MED12L: variants seen among roughly 807,000 people sequenced by gnomAD.
MED12L encodes mediator complex subunit 12L, also known as mediator of RNA polymerase II transcription subunit 12-like protein.
In MED12L, 60 loss-of-function variants were observed where a neutral mutation model predicts 281.3. The observed-to-expected ratio is 0.21, with a 90% confidence interval of 0.17 to 0.26. The LOEUF (loss-of-function observed/expected upper bound fraction) is 0.26. MED12L is among the 10% of genes least tolerant of loss of function. MED12L has a pLI of 1.00. For synonymous variants in MED12L, 974 were observed against 987.2 expected, an observed-to-expected ratio of 0.99 and a Z score of 0.25; for missense variants, 2,146 against 2,680.9, an observed-to-expected ratio of 0.80 and a Z score of 4.41.
At chr3:151,151,356 T>A (rs969657895) in intron 5 of MED12L, among the ~76,000 whole-genome samples, 1 of 151,920 alleles carries the variant, frequency 6.6e-6, no homozygotes, top group Non-Finnish European at 1.5e-5. Context: ...ATTTTTAATT[T>A]CCTTTGAGAT....
intron 4 of MED12L, among the ~76,000 whole-genome samples, chr3:151,123,181 C>CA (rs1177918318): frequency 6.6e-6 from 1 of 152,100 alleles, no homozygotes; most frequent in Non-Finnish European, 1.5e-5. Flanking sequence ...AATCCCTAAA[C>CA]ATTCTGCATA....
At chr3:151,151,529 G>T (rs1038226600) in intron 5 of MED12L, among the ~76,000 whole-genome samples, 1 of 143,378 alleles carries the variant, frequency 7.0e-6, no homozygotes, top group Non-Finnish European at 1.5e-5. Flanking sequence ...GTTATTGTAG[G>T]TTCATTCATT....
At chr3:151,432,618 C>A in intron 44 of MED12L, 134 bp from the exon 45 acceptor site, 1 of 630,044 alleles carries the variant, frequency 1.6e-6, no homozygotes, top group Non-Finnish European at 2.8e-6. Flanking sequence ...TTTTTCAGGG[C>A]AAGGATAGTA....
chr3:151,154,026 G>A (rs1050479503), intron 5 of MED12L, among the ~76,000 whole-genome samples: 62 of 152,086 alleles, frequency 4.1e-4, no homozygotes, highest in African/African-American at 1.4e-3. Context: ...AAATAGGCCC[G>A]TCTGGCCACT....
At chr3:151,169,910 G>A (rs956095480) in intron 11 of MED12L, among the ~76,000 whole-genome samples, 20 of 152,358 alleles carry the variant, frequency 1.3e-4, no homozygotes, top group Admixed American at 9.8e-4. Flanking sequence ...GCCCCAGGTT[G>A]CATAGCCTGC....
chr3:151,435,233 A>G lies in MED12L; in HGVS notation c.*2429A>G, dbSNP rs1010723406. 1 of 99,942 alleles carries G rather than the reference A, an allele frequency of 1.0e-5. No individual in the cohort carries two copies. The highest frequency in any genetic ancestry group is 2.0e-5 in the Non-Finnish European group (1 of 49,328). 6.2% of individuals were successfully genotyped at this position (99,942 alleles called of 1,614,324 possible). On this transcript the variant is annotated 3_prime_UTR_variant, in exon 45 of 45. Transcript: ENST00000687756. Reference sequence around the variant, plus strand: ...CCTTAAAGACAAGACCTTGAAATCAAATGGAGTCAGCTATACCTATCAATC... The same window carrying G: ...CCTTAAAGACAAGACCTTGAAATCAGATGGAGTCAGCTATACCTATCAATC...
At chr3:151,338,275 T>G (rs976052391) in intron 16 of MED12L, 3 of 1,613,956 alleles carry the variant, frequency 1.9e-6, no homozygotes, top group African/African-American at 2.7e-5. Context: ...CAGATGTAAT[T>G]TACTATTTCA....
At chr3:151,163,833 A>G in intron 8 of MED12L, 60 bp from the exon 9 acceptor site, 2 of 1,514,838 alleles carry the variant, frequency 1.3e-6, no homozygotes, top group Admixed American at 3.6e-5. Context: ...TTTACTGTTT[A>G]GCTATTGTTA....
intron 16 of MED12L, among the ~76,000 whole-genome samples, chr3:151,280,004 G>A (rs1017628332): frequency 6.6e-6 from 1 of 152,014 alleles, no homozygotes; most frequent in Non-Finnish European, 1.5e-5. Flanking sequence ...TGACTTCCCC[G>A]TGGGGTGTTT....
chr3:151,391,664 C>A (rs549542465), intron 38 of MED12L, among the ~76,000 whole-genome samples: 1 of 152,194 alleles, frequency 6.6e-6, no homozygotes, highest in Non-Finnish European at 1.5e-5. Context: ...ACAAAGCCAT[C>A]TTGGGCCGCA....
chr3:151,201,817 T>G (rs886513483), intron 16 of MED12L, among the ~76,000 whole-genome samples: 9 of 152,266 alleles, frequency 5.9e-5, no homozygotes, highest in African/African-American at 2.2e-4. Context: ...ACATCTTTGC[T>G]TATTGTTACT....
intron 3 of MED12L, among the ~76,000 whole-genome samples, chr3:151,118,792 C>T (rs1036098971): frequency 2.0e-5 from 3 of 152,084 alleles, no homozygotes; most frequent in Non-Finnish European, 2.9e-5. Context: ...CTTTCAGGTT[C>T]AAGCCATTCT....
intron 16 of MED12L, among the ~76,000 whole-genome samples, chr3:151,317,436 C>CTTTTTTTATTTT (rs1748414720): frequency 1.7e-5 from 1 of 58,744 alleles, no homozygotes. Context: ...AATCATATCA[C>CTTTTTTTATTTT]TTTTTTTTTT....
chr3:151,375,867 G>T (rs1408337955), intron 27 of MED12L, among the ~76,000 whole-genome samples, 159 bp from the exon 28 acceptor site: 1 of 151,488 alleles, frequency 6.6e-6, no homozygotes, highest in Non-Finnish European at 1.5e-5. Flanking sequence ...TAAAAATTTT[G>T]TTTTTTAAAA....
intron 16 of MED12L, among the ~76,000 whole-genome samples, chr3:151,225,000 A>T (rs1269494220): frequency 6.6e-6 from 1 of 152,220 alleles, no homozygotes. Context: ...AAAATATTTT[A>T]TATTATTTAC....
chr3:151,413,426 G>A, intron 42 of MED12L, 131 bp downstream of exon 42: 3 of 1,108,632 alleles, frequency 2.7e-6, no homozygotes, highest in Admixed American at 5.3e-5. Context: ...TTTGATGCTA[G>A]GAGCTACATT....
intron 39 of MED12L, among the ~76,000 whole-genome samples, chr3:151,400,793 C>A (rs371559125): frequency 3.3e-5 from 5 of 152,162 alleles, no homozygotes; most frequent in East Asian, 3.9e-4. Flanking sequence ...CCCTCCCACT[C>A]ACTCTTTAAT....
At chr3:151,233,220 C>G (rs1267943434) in intron 16 of MED12L, among the ~76,000 whole-genome samples, 1 of 152,190 alleles carries the variant, frequency 6.6e-6, no homozygotes, top group Non-Finnish European at 1.5e-5. Context: ...GTAGCACTCT[C>G]GTGCCCTCTG....
intron 16 of MED12L, chr3:151,300,263 G>C: frequency 1.5e-6 from 1 of 662,812 alleles, no homozygotes; most frequent in Non-Finnish European, 2.7e-6. Context: ...ACAACATTTT[G>C]GTCTTTTCAG....
Sources: allele counts gnomAD v4.1 joint callset (sites outside exome capture counted in the v4.1 genomes callset), GRCh38; gene constraint gnomAD v4.1.1; transcripts MANE v1.5; gene names NCBI Gene and HGNC (gene_info 2026-07-23, HGNC 2026-07-21).